Variants in CDH13 observed in about 807,000 individuals in gnomAD.
The protein encoded by CDH13 is cadherin-13.
In CDH13, 24 loss-of-function variants were observed where a neutral mutation model predicts 63.8. The observed-to-expected ratio is 0.38, with a 90% CI of 0.27 to 0.53. CDH13 has a LOEUF of 0.53. Among genes scored for constraint, CDH13 ranks in the 20% least tolerant of loss-of-function variants. CDH13 has a pLI of 0.85. For synonymous variants in CDH13, 503 were observed against 355.3 expected (o/e 1.42, Z -4.67); for missense variants, 1,049 against 903.1 (o/e 1.16, Z -2.07).
chr16:82,975,347 A>T (rs1479813239), intron 2 of CDH13, among the ~76,000 whole-genome samples: 1 of 152,134 alleles, frequency 6.6e-6, no homozygotes, highest in East Asian at 1.9e-4. Flanking sequence ...CATGGAAGAG[A>T]GGGCCCCAGA....
intron 1 of CDH13, among the ~76,000 whole-genome samples, chr16:82,730,940 C>A (rs2033369534): frequency 6.6e-6 from 1 of 152,164 alleles, no homozygotes; most frequent in South Asian, 2.1e-4. Context: ...AATATGGGCA[C>A]AAAACTGACC....
chr16:82,889,718 T>A (rs1436632948), intron 2 of CDH13, among the ~76,000 whole-genome samples: 1 of 152,250 alleles, frequency 6.6e-6, no homozygotes, highest in Non-Finnish European at 1.5e-5. Flanking sequence ...GTCTATGTTG[T>A]ACTTAATATT....
chr16:83,589,463 C>G (rs1906523034), intron 7 of CDH13, among the ~76,000 whole-genome samples: 1 of 151,700 alleles, frequency 6.6e-6, no homozygotes, highest in South Asian at 2.1e-4. Context: ...CTCTCGTGAT[C>G]ACATTGGGCC....
At chr16:83,019,730 A>T (rs1915163446) in intron 2 of CDH13, among the ~76,000 whole-genome samples, 1 of 151,448 alleles carries the variant, frequency 6.6e-6, no homozygotes, top group African/African-American at 2.4e-5. Flanking sequence ...TCCTGGGCTC[A>T]AGCGATCTGC....
intron 6 of CDH13, among the ~76,000 whole-genome samples, chr16:83,355,791 A>G (rs1408308236): frequency 6.6e-6 from 1 of 152,186 alleles, no homozygotes; most frequent in East Asian, 1.9e-4. Flanking sequence ...TCAGTTTTCA[A>G]CTGCTACACA....
intron 5 of CDH13, among the ~76,000 whole-genome samples, chr16:83,305,577 T>C: frequency 6.6e-6 from 1 of 152,184 alleles, no homozygotes; most frequent in East Asian, 1.9e-4. Flanking sequence ...ATCTTCCAAG[T>C]TGGCATCCCA....
intron 5 of CDH13, among the ~76,000 whole-genome samples, chr16:83,220,609 TA>T (rs1035216172): frequency 1.8e-5 from 1 of 56,048 alleles, no homozygotes; most frequent in African/African-American, 7.5e-5. Context: ...GTAATAATAA[TA>T]AAAAATAATA....
intron 6 of CDH13, among the ~76,000 whole-genome samples, chr16:83,350,875 C>G (rs1478363729): frequency 6.6e-6 from 1 of 152,174 alleles, no homozygotes; most frequent in Non-Finnish European, 1.5e-5. Context: ...TTTCAAGACA[C>G]AGTTCCTTTA....
chr16:83,070,305 G>A (rs1179376783), intron 3 of CDH13, among the ~76,000 whole-genome samples: 1 of 152,182 alleles, frequency 6.6e-6, no homozygotes, highest in Non-Finnish European at 1.5e-5. Context: ...GTTTAAGGGT[G>A]TTGGGTACGA....
At chr16:83,076,795 G>C (rs1945818347) in intron 3 of CDH13, among the ~76,000 whole-genome samples, 1 of 152,074 alleles carries the variant, frequency 6.6e-6, no homozygotes, top group Admixed American at 6.6e-5. Context: ...TTCTTCTTCA[G>C]AGGAAAATTT....
At chr16:83,163,077 A>AAG (rs1039793694) in intron 4 of CDH13, among the ~76,000 whole-genome samples, 3 of 152,180 alleles carry the variant, frequency 2.0e-5, no homozygotes, top group African/African-American at 7.2e-5. Context: ...TAAGCCTCAC[A>AAG]AGATCTGATG....
intron 1 of CDH13, among the ~76,000 whole-genome samples, chr16:82,758,743 T>A (rs1381132445): frequency 6.6e-6 from 1 of 152,198 alleles, no homozygotes; most frequent in Non-Finnish European, 1.5e-5. Context: ...ATTAGGCTGC[T>A]TCTATTTTAT....
chr16:83,307,594 C>T (rs563432772), intron 5 of CDH13, among the ~76,000 whole-genome samples: 49 of 152,288 alleles, frequency 3.2e-4, no homozygotes, highest in African/African-American at 1.0e-3. Context: ...CTTGGGGTTT[C>T]GTTATGTTTG....
At chr16:83,384,704 G>T (rs1284564309) in intron 6 of CDH13, among the ~76,000 whole-genome samples, 3 of 152,200 alleles carry the variant, frequency 2.0e-5, no homozygotes, top group Non-Finnish European at 4.4e-5. Context: ...CAGGTGTGCA[G>T]GGCCACATGG....
chr16:82,922,525 C>T (rs1039214341), intron 2 of CDH13, among the ~76,000 whole-genome samples: 24 of 152,156 alleles, frequency 1.6e-4, no homozygotes, highest in African/African-American at 5.3e-4. Context: ...TAATTCTGGC[C>T]TTGCCCCTCT....
chr16:83,451,101 A>G (rs2072875253), intron 6 of CDH13, among the ~76,000 whole-genome samples: 1 of 152,170 alleles, frequency 6.6e-6, no homozygotes, highest in South Asian at 2.1e-4. Context: ...ACCTTCTTCA[A>G]GGAGTCACAT....
chr16:82,971,058 G>T (rs1460657169), intron 2 of CDH13, among the ~76,000 whole-genome samples: 1 of 152,132 alleles, frequency 6.6e-6, no homozygotes, highest in Non-Finnish European at 1.5e-5. Context: ...GGGCATACTG[G>T]CCTAATTTAC....
At chr16:82,856,538 C>CA (rs1253470233) in intron 1 of CDH13, among the ~76,000 whole-genome samples, 5 of 150,322 alleles carry the variant, frequency 3.3e-5, no homozygotes, top group Non-Finnish European at 5.9e-5. Flanking sequence ...CTCCTCAGTA[C>CA]AAAAAATAGA....
chr16:83,390,761 C>A (rs2091770559), intron 6 of CDH13, among the ~76,000 whole-genome samples: 1 of 152,190 alleles, frequency 6.6e-6, no homozygotes, highest in African/African-American at 2.4e-5. Flanking sequence ...GAATCACTCA[C>A]ATTGCTGTTT....
Sources: gnomAD v4.1 joint callset for allele counts (sites outside exome capture counted in the v4.1 genomes callset) on GRCh38, gnomAD v4.1.1 for gene constraint, MANE v1.5 for transcripts, NCBI Gene and HGNC (gene_info 2026-07-23, HGNC 2026-07-21) for gene names.